The following UTP6 variants were observed in gnomAD, a reference collection of about 807,000 sequenced individuals.
UTP6 encodes the protein UTP6 small subunit processome component.
In UTP6, 60 loss-of-function variants were observed where a neutral mutation model predicts 96.5. That is an observed-to-expected ratio of 0.62 (90% CI 0.51 to 0.77). UTP6 has a LOEUF of 0.77. Among genes scored for constraint, UTP6 ranks in the 30% least tolerant of loss-of-function variants. UTP6 has a pLI of 0.00. For synonymous variants in UTP6, 215 were observed against 240.1 expected, an observed-to-expected ratio of 0.90 and a Z score of 0.96; for missense variants, 637 against 706.5, an observed-to-expected ratio of 0.90 and a Z score of 1.12.
rs138233451 is a variant in UTP6, at chr17:31,876,053, A to C, written c.1126-640T>G. On this transcript the variant is annotated intron_variant, in intron 13 of 18. Transcript: ENST00000261708. ...TTGTTTTTCTTTTTCTTTTTTTTGG[A>C]GACAGAGTTTTGCTCTGTAACCCAG... is the stretch of plus-strand genomic sequence containing the variant. Among the ~76,000 whole-genome samples the C allele has an allele frequency of 4.1e-3, 619 of 151,692 alleles. 4 individuals carry two copies. Among genetic ancestry groups the C allele is most frequent in the African/African-American group, 0.014 (593 of 41,452 alleles).
At chr17:31,869,069 C>T (rs748728899) in intron 16 of UTP6, among the ~76,000 whole-genome samples, 36 of 152,118 alleles carry the variant, frequency 2.4e-4, no homozygotes, top group Non-Finnish European at 3.8e-4. Flanking sequence ...CAAGATCAAG[C>T]CACTGCACTC....
chr17:31,877,361 C>A (rs1910554486), intron 13 of UTP6, among the ~76,000 whole-genome samples: 1 of 152,180 alleles, frequency 6.6e-6, no homozygotes, highest in Non-Finnish European at 1.5e-5. Flanking sequence ...GTACATTCAG[C>A]AAGCATTTTT....
intron 1 of UTP6, 74 bp from the exon 2 acceptor site, chr17:31,899,804 T>C: frequency 1.8e-6 from 2 of 1,101,202 alleles, no homozygotes; most frequent in Non-Finnish European, 2.6e-6. Context: ...TGAATATATT[T>C]AAAACATGTT....
intron 17 of UTP6, among the ~76,000 whole-genome samples, chr17:31,866,348 T>C (rs1598092363): frequency 6.7e-6 from 1 of 148,808 alleles, no homozygotes; most frequent in South Asian, 2.1e-4. Flanking sequence ...GTAATCCCAG[T>C]ACTTTGGGAG....
chr17:31,872,669 C>T (rs947559370), intron 16 of UTP6, among the ~76,000 whole-genome samples: 6 of 151,980 alleles, frequency 3.9e-5, no homozygotes, highest in African/African-American at 1.4e-4. Context: ...GAGCGAGAAC[C>T]TGTCTCAAAA....
intron 14 of UTP6, chr17:31,874,290 C>T (rs4450460): frequency 0.87 from 132,600 of 152,552 alleles, 57,807 homozygotes; most frequent in African/African-American, 0.94. Flanking sequence ...CGCACATTTG[C>T]AATCCCAGCA....
At chr17:31,884,983 C>A in intron 9 of UTP6, 1 of 154,970 alleles carries the variant, frequency 6.5e-6, no homozygotes, top group South Asian at 1.9e-4. Context: ...GAAGTCGAGG[C>A]TACAGTGAGC....
intron 7 of UTP6, among the ~76,000 whole-genome samples, chr17:31,888,651 G>A (rs938637397): frequency 6.6e-6 from 1 of 151,778 alleles, no homozygotes; most frequent in African/African-American, 2.4e-5. Context: ...GCCAAGACCG[G>A]GCCACTACAC....
At chr17:31,880,289 C>G in intron 11 of UTP6, 1 of 363,520 alleles carries the variant, frequency 2.8e-6, no homozygotes, top group South Asian at 2.6e-5. Flanking sequence ...GGCATGGTGG[C>G]GGGCACCCGT....
chr17:31,870,601 A>G (rs1456523888), intron 16 of UTP6, among the ~76,000 whole-genome samples: 1 of 150,534 alleles, frequency 6.6e-6, no homozygotes, highest in Non-Finnish European at 1.5e-5. Context: ...AGCTCACTGC[A>G]AGCTCCGCCT....
chr17:31,892,153 G>A (rs1252140456), intron 6 of UTP6, 107 bp downstream of exon 6: 1 of 1,275,590 alleles, frequency 7.8e-7, no homozygotes, highest in African/African-American at 1.5e-5. Context: ...AACTGCCTAA[G>A]CTCAAGTCCT....
At chr17:31,882,368 TG>T (rs1321545200) in intron 10 of UTP6, among the ~76,000 whole-genome samples, 1 of 148,524 alleles carries the variant, frequency 6.7e-6, no homozygotes, top group Non-Finnish European at 1.5e-5. Context: ...GTCACCAGGA[TG>T]GAGTGCAGTG....
chr17:31,893,538 C>G (rs956105619), intron 4 of UTP6, among the ~76,000 whole-genome samples: 23 of 151,328 alleles, frequency 1.5e-4, no homozygotes, highest in African/African-American at 5.3e-4. Context: ...TTGAGACCAG[C>G]CTGGCCAAGA....
At chr17:31,865,718 G>GA (rs1909773079) in intron 17 of UTP6, among the ~76,000 whole-genome samples, 1 of 152,216 alleles carries the variant, frequency 6.6e-6, no homozygotes, top group East Asian at 1.9e-4. Flanking sequence ...AACAGTATTT[G>GA]AAAGTCTTGA....
chr17:31,872,559 C>A (rs904205087), intron 16 of UTP6, among the ~76,000 whole-genome samples: 5 of 151,962 alleles, frequency 3.3e-5, no homozygotes, highest in African/African-American at 1.2e-4. Context: ...GCCTGTAGAC[C>A]CAGACATTTG....
At chr17:31,879,691 TAAG>T (rs1363049946) in intron 11 of UTP6, among the ~76,000 whole-genome samples, 4 of 151,606 alleles carry the variant, frequency 2.6e-5, no homozygotes, top group African/African-American at 9.7e-5. Context: ...CATAGATAAT[TAAG>T]AAATAATAAT....
In UTP6 at chr17:31,886,205, TA is replaced by T. The variant is rs2142312128; in HGVS notation, c.622-145del. 5 of 636,810 alleles carry T rather than the reference TA, an allele frequency of 7.9e-6. No individual in the cohort carries two copies. The East Asian group carries it at 1.4e-4, about 18-fold the overall frequency. 39.4% of individuals were successfully genotyped at this position (636,810 alleles called of 1,614,324 possible). A position where few individuals can be genotyped will look rare whatever the true frequency, so the allele number is the denominator to read the frequency against. On this transcript the variant is annotated intron_variant, in intron 8 of 18. Transcript: ENST00000261708. Reference sequence around the variant, plus strand: ...CTCTCCGGGCCAGTTCCCTCACTTGTAAAGTGTGCAGCTTGAACAAGATCAC... The same window carrying T: ...CTCTCCGGGCCAGTTCCCTCACTTGTAAGTGTGCAGCTTGAACAAGATCAC...
chr17:31,901,514 CCT>C lies in UTP6; in HGVS notation c.92+20_92+21del. On this transcript the variant is annotated intron_variant, in intron 1 of 18. Coordinates refer to ENST00000261708, the MANE Select transcript of UTP6 (RefSeq NM_018428.3). ...TCCCCTCAGGCCGCCTCAGCTCTTCCCTCTCCCCAACCCTCTCTCACTTAATC... is the reference window on the plus strand; with the variant it reads ...TCCCCTCAGGCCGCCTCAGCTCTTCCCTCCCCAACCCTCTCTCACTTAATC... The C allele has an allele frequency of 6.2e-7, 1 of 1,612,698 alleles. No individual in the cohort carries two copies. The highest frequency in any genetic ancestry group is 8.5e-7 in the Non-Finnish European group (1 of 1,179,132).
chr17:31,898,020 TC>T (rs1904757487), intron 2 of UTP6, among the ~76,000 whole-genome samples: 1 of 151,966 alleles, frequency 6.6e-6, no homozygotes, highest in Non-Finnish European at 1.5e-5. Context: ...GAGGCAAATC[TC>T]TTGCTGAAGT....
Sources: allele counts gnomAD v4.1 joint callset (sites outside exome capture counted in the v4.1 genomes callset), GRCh38; gene constraint gnomAD v4.1.1; transcripts MANE v1.5; gene names NCBI Gene and HGNC (gene_info 2026-07-23, HGNC 2026-07-21).